CDK19: variants seen among roughly 807,000 people sequenced by gnomAD.
CDK19 encodes the protein cyclin dependent kinase 19, also known as cyclin-dependent kinase 19.
In CDK19, 20 loss-of-function variants were observed where a neutral mutation model predicts 68.3. The observed-to-expected ratio is 0.29, with a 90% confidence interval of 0.21 to 0.43. The LOEUF is 0.43. Ranked by LOEUF, CDK19 falls within the 20% of genes least tolerant of loss-of-function variation. The pLI is 1.00. For missense variants in CDK19, 339 were observed against 623.5 expected (o/e 0.54, Z 4.86); for synonymous variants, 221 against 222.8 (o/e 0.99, Z 0.07).
intron 6 of CDK19, among the ~76,000 whole-genome samples, chr6:110,627,921 T>C (rs1050958946): frequency 9.2e-5 from 14 of 152,018 alleles, no homozygotes; most frequent in East Asian, 3.9e-4. Flanking sequence ...TATAAAAGAA[T>C]TGGGGAGGCT....
At chr6:110,803,314 C>T (rs1208688612) in intron 1 of CDK19, among the ~76,000 whole-genome samples, 1 of 152,190 alleles carries the variant, frequency 6.6e-6, no homozygotes, top group Non-Finnish European at 1.5e-5. Context: ...CTCCTGACCT[C>T]GTGATCCACC....
At chr6:110,708,666 C>G (rs55745964) in intron 2 of CDK19, among the ~76,000 whole-genome samples, 2,922 of 152,292 alleles carry the variant, frequency 0.019, 98 homozygotes, top group African/African-American at 0.067. Flanking sequence ...TCTACCAAAG[C>G]TCTTCAACAT....
intron 2 of CDK19, among the ~76,000 whole-genome samples, chr6:110,674,299 A>G (rs958013349): frequency 1.3e-5 from 2 of 152,172 alleles, no homozygotes; most frequent in Non-Finnish European, 2.9e-5. Context: ...AAATCAGGCC[A>G]ACTAATAAAA....
At chr6:110,756,014 C>T (rs1278889967) in intron 1 of CDK19, among the ~76,000 whole-genome samples, 1 of 152,190 alleles carries the variant, frequency 6.6e-6, no homozygotes, top group African/African-American at 2.4e-5. Flanking sequence ...GATCCCAACA[C>T]TTTGGGAGAC....
At chr6:110,757,442 C>G (rs374315547) in intron 1 of CDK19, among the ~76,000 whole-genome samples, 1 of 151,966 alleles carries the variant, frequency 6.6e-6, no homozygotes, top group Admixed American at 6.6e-5. Flanking sequence ...ATACTATGCA[C>G]GAAACACTTG....
chr6:110,722,308 CTCT>C (rs1240609336), intron 2 of CDK19: 6 of 151,824 alleles, frequency 4.0e-5, no homozygotes, highest in Non-Finnish European at 5.9e-5. Flanking sequence ...CCATGCTAAT[CTCT>C]GTATCATTCC....
chr6:110,783,275 T>G (rs1780949571), intron 1 of CDK19, among the ~76,000 whole-genome samples: 2 of 152,168 alleles, frequency 1.3e-5, no homozygotes, highest in African/African-American at 2.4e-5. Flanking sequence ...CGGAGTGTAA[T>G]AGCTTTACTT....
At chr6:110,695,360 C>G (rs1258305373) in intron 2 of CDK19, among the ~76,000 whole-genome samples, 1 of 152,034 alleles carries the variant, frequency 6.6e-6, no homozygotes, top group African/African-American at 2.4e-5. Context: ...AAAAGCACTG[C>G]TAAAAGGGAC....
At chr6:110,727,609 A>AT (rs1327634650) in intron 2 of CDK19, among the ~76,000 whole-genome samples, 24 of 136,824 alleles carry the variant, frequency 1.8e-4, no homozygotes, top group Non-Finnish European at 3.5e-4. Flanking sequence ...CAAACTCAAG[A>AT]TGTCTTTTTT....
chr6:110,788,653 C>G (rs1781399934), intron 1 of CDK19, among the ~76,000 whole-genome samples: 1 of 151,994 alleles, frequency 6.6e-6, no homozygotes, highest in Admixed American at 6.6e-5. Flanking sequence ...GAAGCTGTAT[C>G]TTTTCAATAC....
intron 2 of CDK19, among the ~76,000 whole-genome samples, chr6:110,743,394 C>A (rs1777824305): frequency 6.6e-6 from 1 of 152,120 alleles, no homozygotes; most frequent in Non-Finnish European, 1.5e-5. Flanking sequence ...GTAACTACAG[C>A]ACTTTGGGAG....
At chr6:110,697,912 G>A (rs934879748) in intron 2 of CDK19, among the ~76,000 whole-genome samples, 1 of 152,008 alleles carries the variant, frequency 6.6e-6, no homozygotes, top group African/African-American at 2.4e-5. Context: ...TATAAAGTGG[G>A]GAAAGGACAC....
chr6:110,614,474 T>G lies in CDK19; in HGVS notation c.*61A>C. 6.4e-7 allele frequency: 1 copy of G among 1,561,356 alleles called. No homozygotes were observed. The highest frequency in any genetic ancestry group is 8.7e-7 in the Non-Finnish European group (1 of 1,147,612). ...TTTGCATTTTTTTGGTTCTTTTCAA[T>G]GCAGACATATTGCTGGAGCCTGTGC... On this transcript the variant is annotated 3_prime_UTR_variant, in exon 13 of 13. Transcript: ENST00000368911.
intron 1 of CDK19, among the ~76,000 whole-genome samples, chr6:110,789,285 CTTTTT>C (rs553847560): frequency 6.9e-6 from 1 of 145,506 alleles, no homozygotes; most frequent in African/African-American, 2.5e-5. Context: ...TAAATTTTAA[CTTTTT>C]TTTTTTTTAA....
chr6:110,645,317 CAG>C (rs1562154237), intron 4 of CDK19, among the ~76,000 whole-genome samples: 2 of 151,952 alleles, frequency 1.3e-5, no homozygotes, highest in African/African-American at 4.8e-5. Flanking sequence ...CTAAATTACT[CAG>C]AGTAAAAGGA....
intron 4 of CDK19, among the ~76,000 whole-genome samples, chr6:110,652,052 C>T (rs764768712): frequency 6.6e-6 from 1 of 151,650 alleles, no homozygotes; most frequent in Non-Finnish European, 1.5e-5. Flanking sequence ...CCAGCCTGGG[C>T]AACAGAGCAA....
chr6:110,788,350 G>T (rs926949757), intron 1 of CDK19, among the ~76,000 whole-genome samples: 4 of 151,634 alleles, frequency 2.6e-5, no homozygotes, highest in African/African-American at 9.7e-5. Context: ...AAGAGACAGG[G>T]TCCCATTATG....
intron 1 of CDK19, among the ~76,000 whole-genome samples, chr6:110,804,912 C>T (rs754670524): frequency 1.1e-4 from 17 of 151,410 alleles, no homozygotes; most frequent in Non-Finnish European, 2.4e-4. Flanking sequence ...GCCGAGATCG[C>T]GCCACTGCAC....
intron 1 of CDK19, among the ~76,000 whole-genome samples, chr6:110,785,002 T>C (rs1781097274): frequency 6.7e-6 from 1 of 148,276 alleles, no homozygotes; most frequent in Non-Finnish European, 1.5e-5. Flanking sequence ...TTTGTGGTGA[T>C]GAAATGTTCT....
Sources: gnomAD v4.1 joint callset for allele counts (sites outside exome capture counted in the v4.1 genomes callset) on GRCh38, gnomAD v4.1.1 for gene constraint, MANE v1.5 for transcripts, NCBI Gene and HGNC (gene_info 2026-07-23, HGNC 2026-07-21) for gene names.